Variants in NEGR1 observed in about 807,000 individuals in gnomAD.
The protein encoded by NEGR1 is neuronal growth regulator 1.
Under a neutral mutation model 40.9 loss-of-function variants are expected in NEGR1, and 10 were observed. That is an observed-to-expected ratio of 0.24 (90% confidence interval 0.15 to 0.42). NEGR1 has a LOEUF of 0.42. Among genes scored for constraint, NEGR1 ranks in the 10% least tolerant of loss-of-function variants. The pLI, the probability that NEGR1 is intolerant of heterozygous loss-of-function variation, is 1.00. For synonymous variants in NEGR1, 185 were observed against 166.8 expected, an observed-to-expected ratio of 1.11 and a Z score of -0.84; for missense variants, 352 against 438.9, an observed-to-expected ratio of 0.80 and a Z score of 1.77.
intron 3 of NEGR1, among the ~76,000 whole-genome samples, chr1:71,765,731 C>T (rs1176660554): frequency 6.6e-6 from 1 of 152,058 alleles, no homozygotes; most frequent in Admixed American, 6.6e-5. Context: ...ATTCACTATT[C>T]CTAAAAAGGT....
intron 2 of NEGR1, among the ~76,000 whole-genome samples, chr1:71,858,844 A>G (rs1292497220): frequency 1.3e-5 from 2 of 152,010 alleles, no homozygotes; most frequent in South Asian, 4.1e-4. Context: ...TATCAGCCCT[A>G]TATTATTATT....
chr1:71,592,870 G>A lies in NEGR1; in HGVS notation c.887C>T (p.Thr296Ile). 1.2e-6 allele frequency: 2 copies of A among 1,613,386 alleles called. No individual in the cohort carries two copies. The highest frequency in any genetic ancestry group is 1.7e-6 in the Non-Finnish European group (2 of 1,179,366). ...NVTQEHFGNY[T>I]CVAANKLGTT... ...GCCTAGCTTGTTGGCAGCCACACAG[G>A]TATAATTGCCGAAGTGCTCCTGTGT... Residue 296 changes from threonine (T) to isoleucine (I), a missense_variant, in exon 6 of 7, where the codon ACC becomes ATC. This residue lies in a region of NEGR1 where 184 missense variants were observed against 208.7 expected (regional missense o/e 0.88). Coordinates refer to ENST00000357731, the MANE Select transcript of NEGR1 (RefSeq NM_173808.3).
At chr1:71,737,441 T>C (rs1570277192) in intron 3 of NEGR1, among the ~76,000 whole-genome samples, 1 of 151,880 alleles carries the variant, frequency 6.6e-6, no homozygotes, top group South Asian at 2.1e-4. Context: ...GATGTAGACA[T>C]GTTTTTGTTG....
intron 3 of NEGR1, among the ~76,000 whole-genome samples, chr1:71,759,737 G>A (rs1655875448): frequency 6.7e-6 from 1 of 148,642 alleles, no homozygotes; most frequent in South Asian, 2.1e-4. Context: ...GGCCTCCCAA[G>A]TAGCTGGGAT....
intron 6 of NEGR1, among the ~76,000 whole-genome samples, chr1:71,467,264 G>A (rs1052801714): frequency 6.6e-6 from 1 of 152,002 alleles, no homozygotes; most frequent in East Asian, 1.9e-4. Flanking sequence ...TGGAAGTCTT[G>A]AAGATGTGAG....
intron 2 of NEGR1, among the ~76,000 whole-genome samples, chr1:71,835,725 G>T (rs1268023329): frequency 1.3e-5 from 2 of 152,070 alleles, no homozygotes; most frequent in African/African-American, 2.4e-5. Flanking sequence ...GTAGCATCAT[G>T]GTTAAAGAAA....
intron 1 of NEGR1, among the ~76,000 whole-genome samples, chr1:72,238,819 A>G (rs2100510630): frequency 1.3e-5 from 2 of 152,072 alleles, no homozygotes; most frequent in South Asian, 4.1e-4. Flanking sequence ...CAGAAAATGC[A>G]AAGAAGGCAT....
intron 2 of NEGR1, among the ~76,000 whole-genome samples, chr1:71,927,507 A>T (rs1645785801): frequency 6.6e-6 from 1 of 152,142 alleles, no homozygotes; most frequent in South Asian, 2.1e-4. Context: ...TAATCTTGCT[A>T]AAGTCTAAGA....
Position 71,523,989 on chromosome 1 carries a change from A to G in NEGR1, c.940+68828T>C, listed in dbSNP as rs559147863. Among the ~76,000 whole-genome samples the G allele has an allele frequency of 5.9e-5, 9 of 151,952 alleles. No homozygotes were observed. In the South Asian group the frequency reaches 1.9e-3, roughly 31 times the overall value. On this transcript the variant is annotated intron_variant, in intron 6 of 6. Coordinates refer to ENST00000357731, the MANE Select transcript of NEGR1 (RefSeq NM_173808.3). Reference sequence around the variant, plus strand: ...TCTTCTAAATGCAAAATCTTCATTTAAACAATTTTTTTTCATTTTCTGTTT... The same window carrying G: ...TCTTCTAAATGCAAAATCTTCATTTGAACAATTTTTTTTCATTTTCTGTTT...
rs558124849 is a variant in NEGR1, at chr1:71,621,112, G to A, written c.668-9966C>T. Among the ~76,000 whole-genome samples, 408 of 151,820 alleles carry A rather than the reference G, an allele frequency of 2.7e-3. 1 individual carries two copies. Among genetic ancestry groups the A allele is most frequent in the South Asian group, 4.6e-3 (22 of 4,814 alleles). On this transcript the variant is annotated intron_variant, in intron 4 of 6. Transcript: ENST00000357731. ...GGGCATGGAATCATGATAAGACATG[G>A]GCAAAAAAGAAAAATGAATTTTTAA...
intron 2 of NEGR1, among the ~76,000 whole-genome samples, chr1:71,829,413 C>G (rs1359746919): frequency 1.3e-5 from 2 of 151,834 alleles, no homozygotes; most frequent in African/African-American, 4.8e-5. Flanking sequence ...GACAACCAGT[C>G]TTTTTCAGAG....
At chr1:71,482,492 C>G (rs370545670) in intron 6 of NEGR1, among the ~76,000 whole-genome samples, 2 of 151,768 alleles carry the variant, frequency 1.3e-5, no homozygotes, top group East Asian at 3.9e-4. Context: ...AAGCAATCAC[C>G]ATTTTAAACA....
chr1:71,661,853 T>A (rs1349668645), intron 4 of NEGR1, among the ~76,000 whole-genome samples: 1 of 152,176 alleles, frequency 6.6e-6, no homozygotes, highest in Admixed American at 6.5e-5. Context: ...GAGATTAGGA[T>A]TTTAGCCTCA....
intron 3 of NEGR1, among the ~76,000 whole-genome samples, chr1:71,746,293 A>AATTAATAATT (rs1655379901): frequency 6.6e-6 from 1 of 152,242 alleles, no homozygotes; most frequent in South Asian, 2.1e-4. Flanking sequence ...ATTAATGAAT[A>AATTAATAATT]AATAAAATAA....
At chr1:71,448,598 C>G (rs551992057) in intron 6 of NEGR1, among the ~76,000 whole-genome samples, 2 of 150,032 alleles carry the variant, frequency 1.3e-5, no homozygotes, top group African/African-American at 5.0e-5. Context: ...GACTCCATCT[C>G]AAAGAAAAAA....
chr1:72,216,856 C>A (rs897354632), intron 1 of NEGR1, among the ~76,000 whole-genome samples: 3 of 151,114 alleles, frequency 2.0e-5, no homozygotes, highest in African/African-American at 4.9e-5. Context: ...ATATATATAC[C>A]TTAAACTGAT....
At chr1:72,027,317 T>C (rs1173006287) in intron 1 of NEGR1, among the ~76,000 whole-genome samples, 1 of 152,164 alleles carries the variant, frequency 6.6e-6, no homozygotes, top group Non-Finnish European at 1.5e-5. Context: ...CTTGCCAATC[T>C]GTTTTTAGCA....
At chr1:71,725,485 C>G (rs1271716777) in intron 3 of NEGR1, among the ~76,000 whole-genome samples, 2 of 152,016 alleles carry the variant, frequency 1.3e-5, no homozygotes, top group African/African-American at 4.8e-5. Flanking sequence ...TTTTAGTTTT[C>G]CACTTAATTT....
Position 71,413,468 on chromosome 1 carries a change from T to G in NEGR1, c.941-5898A>C, listed in dbSNP as rs149165797. Among the ~76,000 whole-genome samples the G allele has an allele frequency of 2.1e-3, 323 of 152,358 alleles. 1 individual carries two copies. The highest frequency in any genetic ancestry group is 7.5e-3 in the African/African-American group (310 of 41,588). ...GTCTTGCAAAGATGTCTTTCATTTT[T>G]GCTTACAAAAATATTAATTCTCTAT... is the stretch of plus-strand genomic sequence containing the variant. On this transcript the variant is annotated intron_variant, in intron 6 of 6. Transcript: ENST00000357731.
Sources: allele counts gnomAD v4.1 joint callset (sites outside exome capture counted in the v4.1 genomes callset), GRCh38; gene constraint gnomAD v4.1.1; regional missense constraint gnomAD v4.1.1; transcripts MANE v1.5; gene names NCBI Gene and HGNC (gene_info 2026-07-23, HGNC 2026-07-21).